EXOC6: variants seen among roughly 807,000 people sequenced by gnomAD.
EXOC6 encodes exocyst complex component 6.
EXOC6 carries 60 observed loss-of-function variants against 112.5 expected under a neutral mutation model. That is an observed-to-expected ratio of 0.53 (90% CI 0.43 to 0.66). The LOEUF (loss-of-function observed/expected upper bound fraction) is 0.66, where lower values mean the gene tolerates loss of function less well. EXOC6 is among the 30% of genes least tolerant of loss of function. The probability of loss-of-function intolerance (pLI) is 0.00; values close to 1 mark genes in which losing one functional copy is unlikely to be tolerated. For missense variants in EXOC6, 855 were observed against 957.1 expected (o/e 0.89, Z 1.41); for synonymous variants, 295 against 308.0 (o/e 0.96, Z 0.44).
In EXOC6 at chr10:92,920,179, T is replaced by G. The variant is rs187791777; in HGVS notation, c.888+129T>G. 63 of 523,142 alleles carry G rather than the reference T, an allele frequency of 1.2e-4. No homozygotes were observed. In the African/African-American group the frequency reaches 1.2e-3, roughly 10 times the overall value. 32.4% of individuals were successfully genotyped at this position (523,142 alleles called of 1,614,324 possible). On this transcript the variant is annotated intron_variant, in intron 8 of 21. Coordinates refer to ENST00000260762, the MANE Select transcript of EXOC6 (RefSeq NM_019053.6). ...AATTCTTTGTGAAATATCCACTCTGTGTAAGGCACTTACATTTTTTGTTTA... is the reference window on the plus strand; with the variant it reads ...AATTCTTTGTGAAATATCCACTCTGGGTAAGGCACTTACATTTTTTGTTTA...
intron 18 of EXOC6, among the ~76,000 whole-genome samples, chr10:92,981,753 C>T (rs1024344566): frequency 6.6e-6 from 1 of 152,032 alleles, no homozygotes; most frequent in Admixed American, 6.5e-5. Flanking sequence ...ATATCTTTTC[C>T]TTTGCTTTCA....
rs12245568 is a variant in EXOC6, at chr10:92,838,089, G to C, written c.86+3265G>C. 7.1e-3 allele frequency among the ~76,000 whole-genome samples: 1,088 copies of C among 152,300 alleles called. 16 individuals carry two copies. The highest frequency in any genetic ancestry group is 0.025 in the African/African-American group (1,046 of 41,556). On this transcript the variant is annotated intron_variant, in intron 1 of 21. Transcript: ENST00000371552. The stretch of plus-strand genomic sequence containing the variant: ...TAAAAAGGTGAGCTCAGAGAGCTCA[G>C]TGACTCAGGACTCAAGAGATGGTTT...
At chr10:92,903,874 C>T (rs912885347) in intron 5 of EXOC6, among the ~76,000 whole-genome samples, 7 of 151,992 alleles carry the variant, frequency 4.6e-5, no homozygotes, top group African/African-American at 1.7e-4. Context: ...TGGATTTTGG[C>T]AAACATATAT....
At chr10:92,899,865 T>C (rs1850060931) in intron 5 of EXOC6, 1 of 432,468 alleles carries the variant, frequency 2.3e-6, no homozygotes, top group African/African-American at 2.0e-5. Context: ...GGATTGGTAA[T>C]GTTGATCAAG....
intron 1 of EXOC6, among the ~76,000 whole-genome samples, chr10:92,842,440 G>GTCATCA (rs137992222): frequency 0.017 from 2,518 of 147,780 alleles, 53 homozygotes; most frequent in African/African-American, 0.05. Context: ...AATGTCAGCT[G>GTCATCA]TCATCATCAT....
chr10:93,023,982 G>A (rs1012770167), intron 20 of EXOC6, among the ~76,000 whole-genome samples: 1 of 152,020 alleles, frequency 6.6e-6, no homozygotes, highest in African/African-American at 2.4e-5. Context: ...TTTAAATATA[G>A]CCATTTTGAT....
At chr10:92,974,971 C>T (rs1330531947) in intron 18 of EXOC6, among the ~76,000 whole-genome samples, 6 of 152,164 alleles carry the variant, frequency 3.9e-5, no homozygotes, top group African/African-American at 1.4e-4. Context: ...AGATTGCAGC[C>T]TCTGCCCGGC....
chr10:92,988,970 C>G (rs1465815079), intron 18 of EXOC6, among the ~76,000 whole-genome samples: 1 of 152,212 alleles, frequency 6.6e-6, no homozygotes, highest in Non-Finnish European at 1.5e-5. Flanking sequence ...CAAAGACATT[C>G]TAATGCAACC....
intron 1 of EXOC6, among the ~76,000 whole-genome samples, chr10:92,828,682 TTGTGTGTCTGTGTGTG>T (rs1211257172): frequency 2.1e-5 from 2 of 93,964 alleles, no homozygotes; most frequent in Non-Finnish European, 4.4e-5. Context: ...TTGCTGAGTT[TTGTGTGTCTGTGTGTG>T]TGTGTGTGTG....
Position 92,974,164 on chromosome 10 carries a change from G to A in EXOC6, c.1885G>A (p.Ala629Thr). Residue 629 changes from alanine (A) to threonine (T), a missense_variant, in exon 18 of 22, where the codon GCT (alanine) becomes ACT (threonine). Transcript: ENST00000260762. The part of the protein sequence containing the change: ...DWTMSEPDGR[A>T]SGYLMDLINF... ...GACAATGTCTGAGCCAGATGGAAGA[G>A]CTAGTGGTTATTTAATGGACCTTAT... 6.3e-7 allele frequency: 1 copy of A among 1,599,790 alleles called. No individual in the cohort carries two copies. The highest frequency in any genetic ancestry group is 8.5e-7 in the Non-Finnish European group (1 of 1,176,892).
At chr10:92,909,717 A>G in intron 6 of EXOC6, 86 bp downstream of exon 6, 1 of 783,746 alleles carries the variant, frequency 1.3e-6, no homozygotes, top group Non-Finnish European at 2.0e-6. Flanking sequence ...TAACTTACAT[A>G]AAATGCTTAT....
intron 6 of EXOC6, among the ~76,000 whole-genome samples, chr10:92,912,067 T>A (rs1850816453): frequency 6.6e-6 from 1 of 151,288 alleles, no homozygotes; most frequent in Non-Finnish European, 1.5e-5. Flanking sequence ...CTAGGTGGCA[T>A]GAGTGTAAAG....
At chr10:92,853,492 G>A (rs959896090) in intron 1 of EXOC6, among the ~76,000 whole-genome samples, 2 of 152,132 alleles carry the variant, frequency 1.3e-5, no homozygotes. Flanking sequence ...CTGATTTTAA[G>A]ATTTACTATA....
intron 18 of EXOC6, among the ~76,000 whole-genome samples, chr10:92,982,435 GACCATTTTTTTAAAAATGGTCTAGAAAA>G (rs57061748): frequency 0.78 from 117,957 of 151,760 alleles, 47,186 homozygotes; most frequent in East Asian, 0.99. Flanking sequence ...ACCATGATTA[GACCATTTTTTTAAAAATGGTCTAGAAAA>G]TGATTAGACC....
intron 17 of EXOC6, among the ~76,000 whole-genome samples, chr10:92,973,578 A>G (rs1042929752): frequency 1.3e-5 from 2 of 152,182 alleles, no homozygotes; most frequent in African/African-American, 4.8e-5. Context: ...CTTCTCAGAG[A>G]AATTAACTAT....
chr10:92,945,191 G>T (rs1041082348), intron 13 of EXOC6, among the ~76,000 whole-genome samples: 25 of 152,100 alleles, frequency 1.6e-4, no homozygotes, highest in African/African-American at 6.0e-4. Flanking sequence ...TATCTATTCA[G>T]GTCCTTTGCC....
chr10:93,013,068 G>T (rs1444712974), intron 19 of EXOC6, among the ~76,000 whole-genome samples: 1 of 151,950 alleles, frequency 6.6e-6, no homozygotes, highest in Admixed American at 6.6e-5. Context: ...AATTAATGGG[G>T]TGGGAAAATG....
intron 1 of EXOC6, among the ~76,000 whole-genome samples, chr10:92,887,348 G>GT (rs1849273872): frequency 1.3e-5 from 2 of 149,062 alleles, no homozygotes; most frequent in African/African-American, 4.9e-5. Context: ...TTTTATCAAC[G>GT]TAAGTAGAGG....
At chr10:92,854,629 G>T (rs1847512546) in intron 1 of EXOC6, among the ~76,000 whole-genome samples, 1 of 152,092 alleles carries the variant, frequency 6.6e-6, no homozygotes, top group African/African-American at 2.4e-5. Flanking sequence ...ATGTGGTTTT[G>T]TCCCTTATTC....
Sources: allele counts gnomAD v4.1 joint callset (sites outside exome capture counted in the v4.1 genomes callset), GRCh38; gene constraint gnomAD v4.1.1; transcripts MANE v1.5; gene names NCBI Gene and HGNC (gene_info 2026-07-23, HGNC 2026-07-21).